KATNAL2: variants seen among roughly 807,000 people sequenced by gnomAD.
The protein encoded by KATNAL2 is katanin p60 ATPase-containing subunit A-like 2.
A neutral mutation model predicts 76.3 loss-of-function variants in KATNAL2; 52 were observed. That is an observed-to-expected ratio of 0.68 (90% confidence interval 0.55 to 0.86). The LOEUF is 0.86. Among genes scored for constraint, KATNAL2 ranks in the 40% least tolerant of loss-of-function variants. KATNAL2 has a pLI of 0.00. For missense variants in KATNAL2, 660 were observed against 668.9 expected, an observed-to-expected ratio of 0.99 and a Z score of 0.15; for synonymous variants, 243 against 244.2, an observed-to-expected ratio of 1.00 and a Z score of 0.05.
chr18:47,034,735 G>T, intron 3 of KATNAL2: 1 of 1,613,014 alleles, frequency 6.2e-7, no homozygotes, highest in Non-Finnish European at 8.5e-7. Flanking sequence ...CATCCGGAGG[G>T]GAGCTGTGCG....
At chr18:47,051,605 G>A (rs2061343062) in intron 4 of KATNAL2, among the ~76,000 whole-genome samples, 1 of 152,142 alleles carries the variant, frequency 6.6e-6, no homozygotes, top group South Asian at 2.1e-4. Flanking sequence ...TTTTCTCTCT[G>A]TAAAATGAGG....
At chr18:47,070,292 G>C (rs894969345) in intron 13 of KATNAL2, among the ~76,000 whole-genome samples, 6 of 151,874 alleles carry the variant, frequency 4.0e-5, no homozygotes, top group Non-Finnish European at 8.8e-5. Context: ...TAAAAAAAAG[G>C]GTTTCATCAT....
At chr18:46,935,783 G>T (rs1259558936) in intron 1 of KATNAL2, among the ~76,000 whole-genome samples, 2 of 152,104 alleles carry the variant, frequency 1.3e-5, no homozygotes, top group Non-Finnish European at 2.9e-5. Context: ...AGGCATGGTG[G>T]TGTGTGCCTG....
chr18:47,081,658 C>A lies in KATNAL2; in HGVS notation c.1211+4197C>A, dbSNP rs1328760869. Among the ~76,000 whole-genome samples, 2 of 152,186 alleles carry A rather than the reference C, an allele frequency of 1.3e-5. 1 individual carries two copies. Among genetic ancestry groups the A allele is most frequent in the Non-Finnish European group, 2.9e-5 (2 of 68,042 alleles). On this transcript the variant is annotated intron_variant, in intron 15 of 17. Coordinates refer to ENST00000683218, the MANE Select transcript of KATNAL2 (RefSeq NM_001387690.1). The stretch of plus-strand genomic sequence containing the variant: ...GTTGCCTCCCAACATTTATTTCACC[C>A]TCGGAATTTAAGAATAGAACTTCAA...
chr18:47,096,206 G>A lies in KATNAL2; in HGVS notation c.1212-3037G>A, dbSNP rs2063227361. Among the ~76,000 whole-genome samples, 7 of 152,178 alleles carry A rather than the reference G, an allele frequency of 4.6e-5. No homozygotes were observed. The South Asian group carries it at 1.5e-3, about 32-fold the overall frequency. On this transcript the variant is annotated intron_variant, in intron 15 of 17. Transcript: ENST00000683218. ...TATGTTCCCTGGAAGTATGTTTTCA[G>A]TTTAAAAAGAAATATTGTAACATAG...
chr18:46,924,150 C>T (rs2058659316), intron 1 of KATNAL2, among the ~76,000 whole-genome samples: 1 of 152,140 alleles, frequency 6.6e-6, no homozygotes, highest in Admixed American at 6.5e-5. Context: ...AGTCCTTGCC[C>T]ATGCCTATGT....
At chr18:47,033,089 T>G in intron 3 of KATNAL2, 1 of 1,614,130 alleles carries the variant, frequency 6.2e-7, no homozygotes. Context: ...TTCCGGGTTT[T>G]GGCCGCGGGC....
Position 47,052,936 on chromosome 18 carries a change from T to G in KATNAL2, c.179T>G (p.Phe60Cys), listed in dbSNP as rs1569084674. Reference protein sequence around the residue: ...EQETKLGLRRFEVCDNIDLET... With the variant: ...EQETKLGLRRCEVCDNIDLET... ...GAAACTAAACTGGGGTTACGACGGTTTGAAGTTTGTGACAACATTGATCTT... is the reference window on the plus strand; with the variant it reads ...GAAACTAAACTGGGGTTACGACGGTGTGAAGTTTGTGACAACATTGATCTT... Residue 60 changes from phenylalanine (F) to cysteine (C), a missense_variant, in exon 5 of 18, where the codon TTT becomes TGT. By Grantham distance (205) the Phe-to-Cys change is radical. Transcript: ENST00000683218. The G allele has an allele frequency of 6.2e-7, 1 of 1,612,726 alleles. No homozygotes were observed. Among genetic ancestry groups the G allele is most frequent in the Non-Finnish European group, 8.5e-7 (1 of 1,179,456 alleles).
Position 47,084,347 on chromosome 18 carries a change from T to C in KATNAL2, c.1211+6886T>C, listed in dbSNP as rs16954999. 392,514 of 702,446 alleles carry C rather than the reference T, an allele frequency of 0.56. 111,537 individuals carry two copies. The highest frequency in any genetic ancestry group is 0.59 in the Non-Finnish European group (227,197 of 384,778). 43.5% of individuals were successfully genotyped at this position (702,446 alleles called of 1,614,324 possible). ...CTTTCCATAGTAACCACATGCATTT[T>C]TGGGCTCCAGGAAGAAGCTGTCCTC... is the stretch of plus-strand genomic sequence containing the variant. On this transcript the variant is annotated intron_variant, in intron 15 of 17. Transcript: ENST00000683218.
chr18:47,035,055 C>A lies in KATNAL2; in HGVS notation c.52-11402C>A, dbSNP rs549058301. 176 of 1,611,708 alleles carry A rather than the reference C, an allele frequency of 1.1e-4. 1 individual carries two copies. The Admixed American group carries it at 2.9e-3, about 27-fold the overall frequency. On this transcript the variant is annotated intron_variant, in intron 3 of 17. Transcript: ENST00000683218. ...CGAGCACCAGCTTCTTCCACCGGGC[C>A]GCTAAGTCTCTGGCAAAGTCGCCCA... is the stretch of plus-strand genomic sequence containing the variant.
chr18:47,066,889 A>ATATATG (rs2061829294), intron 10 of KATNAL2, 132 bp from the exon 11 acceptor site: 2 of 66,078 alleles, frequency 3.0e-5, no homozygotes, highest in Non-Finnish European at 6.2e-5. Flanking sequence ...ATATATATAT[A>ATATATG]TATAATATGA....
chr18:47,071,175 T>C (rs2061984937), intron 13 of KATNAL2, among the ~76,000 whole-genome samples: 1 of 152,174 alleles, frequency 6.6e-6, no homozygotes, highest in African/African-American at 2.4e-5. Flanking sequence ...AATTTTTGTA[T>C]TTTTTGTAGA....
intron 3 of KATNAL2, among the ~76,000 whole-genome samples, chr18:46,960,610 CAT>C (rs751417008): frequency 1.3e-5 from 2 of 152,134 alleles, no homozygotes; most frequent in Non-Finnish European, 2.9e-5. Flanking sequence ...AGAGGAAAAA[CAT>C]ATGAAGCTGC....
chr18:46,965,586 C>CA (rs2060099881), intron 3 of KATNAL2, among the ~76,000 whole-genome samples: 6 of 87,584 alleles, frequency 6.9e-5, no homozygotes, highest in Admixed American at 1.9e-4. Flanking sequence ...TCCCCGCCCC[C>CA]CCCCCCCCGC....
chr18:47,095,506 T>G (rs1359759972), intron 15 of KATNAL2, among the ~76,000 whole-genome samples: 1 of 152,218 alleles, frequency 6.6e-6, no homozygotes, highest in Non-Finnish European at 1.5e-5. Context: ...CTTTCCATCA[T>G]GATTGTCAGT....
At position 47,052,898 on chromosome 18, in the gene KATNAL2, T is replaced by C; in HGVS notation, c.141T>C (p.Asn47=). The change falls in exon 5 of 18, where the codon AAT becomes AAC. Residue 47 remains asparagine, a synonymous_variant. Coordinates refer to ENST00000683218, the MANE Select transcript of KATNAL2 (RefSeq NM_001387690.1). ...LTQEGYIDTA[N]ALEQETKLGL... ...CTGCCAGGTATATCGATACAGCAAA[T>C]GCTTTGGAGCAAGAAACTAAACTGG... is the stretch of plus-strand genomic sequence containing the variant. 1.2e-6 allele frequency: 2 copies of C among 1,607,452 alleles called. No individual in the cohort carries two copies. The highest frequency in any genetic ancestry group is 1.3e-5 in the African/African-American group (1 of 74,716).
At chr18:47,080,715 T>C (rs2062467669) in intron 15 of KATNAL2, among the ~76,000 whole-genome samples, 1 of 152,390 alleles carries the variant, frequency 6.6e-6, no homozygotes, top group East Asian at 1.9e-4. Flanking sequence ...CTTGTTATTA[T>C]ATGTCTCTTT....
rs569676424 is a variant in KATNAL2, at chr18:47,046,488, A to G, written c.83A>G (p.Asn28Ser). ...ATGAGGACAGAAGCACGACGAAAAA[A>G]TCTTCTCATTTTGATTTCGCATTAT... ...CEMRTEARRK[N>S]LLILISHYLT... Residue 28 changes from asparagine (N) to serine (S), a missense_variant, in exon 4 of 18, where the codon AAT becomes AGT. By Grantham distance (46) the Asn-to-Ser change is conservative. Coordinates refer to ENST00000683218, the MANE Select transcript of KATNAL2 (RefSeq NM_001387690.1). 3,207 of 1,535,968 alleles carry G rather than the reference A, an allele frequency of 2.1e-3. 8 individuals carry two copies. The highest frequency in any genetic ancestry group is 2.5e-3 in the Non-Finnish European group (2,885 of 1,146,778).
chr18:47,080,694 C>A (rs1168502241), intron 15 of KATNAL2, among the ~76,000 whole-genome samples: 2 of 152,214 alleles, frequency 1.3e-5, no homozygotes, highest in East Asian at 3.8e-4. Context: ...TTCTCCACAA[C>A]CTCGCTAACG....
Sources: gnomAD v4.1 joint callset for allele counts (sites outside exome capture counted in the v4.1 genomes callset) on GRCh38, gnomAD v4.1.1 for gene constraint, MANE v1.5 for transcripts, NCBI Gene and HGNC (gene_info 2026-07-23, HGNC 2026-07-21) for gene names.